The following SERINC5 variants were observed in gnomAD, a reference collection of about 807,000 sequenced individuals.
The protein encoded by SERINC5 is chromosome 5 open reading frame 12.
In SERINC5, 41 loss-of-function variants were observed where a neutral mutation model predicts 63.1. The observed-to-expected ratio is 0.65, with a 90% CI of 0.51 to 0.84. The LOEUF (loss-of-function observed/expected upper bound fraction) is 0.84. Ranked by LOEUF, SERINC5 falls within the 40% of genes least tolerant of loss-of-function variation. SERINC5 has a pLI of 0.00. For missense variants in SERINC5, 523 were observed against 573.0 expected, an observed-to-expected ratio of 0.91 and a Z score of 0.89; for synonymous variants, 222 against 215.2, an observed-to-expected ratio of 1.03 and a Z score of -0.28.
chr5:80,150,441 A>C (rs946973999), intron 9 of SERINC5, among the ~76,000 whole-genome samples: 8 of 152,022 alleles, frequency 5.3e-5, no homozygotes. Flanking sequence ...TTTCTTTTTT[A>C]TTTTATTTTT....
At chr5:80,185,747 T>C (rs1003725089) in intron 2 of SERINC5, among the ~76,000 whole-genome samples, 4 of 151,756 alleles carry the variant, frequency 2.6e-5, no homozygotes, top group African/African-American at 9.7e-5. Context: ...CCCGGATGAG[T>C]CAGGAAAAGG....
chr5:80,155,872 T>C (rs772378239), intron 8 of SERINC5, among the ~76,000 whole-genome samples: 3 of 152,108 alleles, frequency 2.0e-5, no homozygotes, highest in Non-Finnish European at 4.4e-5. Flanking sequence ...GGAAGGAGGC[T>C]CTGGAGAGAA....
chr5:80,184,917 C>T (rs1320772181), intron 2 of SERINC5, among the ~76,000 whole-genome samples: 1 of 152,072 alleles, frequency 6.6e-6, no homozygotes. Context: ...TGCTCTGTTG[C>T]CCAGGCTGGA....
chr5:80,245,574 T>C (rs1182140155), intron 1 of SERINC5, among the ~76,000 whole-genome samples: 2 of 152,080 alleles, frequency 1.3e-5, no homozygotes, highest in Non-Finnish European at 2.9e-5. Context: ...ATACAGCCTC[T>C]GAACTTCATT....
Position 80,256,043 on chromosome 5 carries a change from CG to C in SERINC5, c.-122del. On this transcript the variant is annotated 5_prime_UTR_variant, in exon 1 of 12. Transcript: ENST00000507668. ...CTCACACTTGAACGAAGATCAGCCT[CG>C]GCGAAGCGCCTAGGCGCCGAGGCCT... The C allele has an allele frequency of 9.1e-7, 1 of 1,093,148 alleles. No individual in the cohort carries two copies. The highest frequency in any genetic ancestry group is 1.2e-6 in the Non-Finnish European group (1 of 813,776). 67.7% of individuals were successfully genotyped at this position (1,093,148 alleles called of 1,614,324 possible).
Position 80,245,789 on chromosome 5 carries a change from A to G in SERINC5, c.27+10107T>C, listed in dbSNP as rs550309401. ...GCTATCATGCCTGGCTAATTTTTGT[A>G]TTTTTAGTAGAGACGGGGCTTCACC... On this transcript the variant is annotated intron_variant, in intron 1 of 11. Coordinates refer to ENST00000507668, the MANE Select transcript of SERINC5 (RefSeq NM_001174072.3). Among the ~76,000 whole-genome samples, 34 of 151,556 alleles carry G rather than the reference A, an allele frequency of 2.2e-4. No homozygotes were observed. In the East Asian group the frequency reaches 6.4e-3, roughly 29 times the overall value.
At chr5:80,253,451 T>C (rs1752515988) in intron 1 of SERINC5, among the ~76,000 whole-genome samples, 1 of 152,186 alleles carries the variant, frequency 6.6e-6, no homozygotes, top group African/African-American at 2.4e-5. Flanking sequence ...AGTCCAGTCT[T>C]CACGACATCC....
At chr5:80,177,065 G>A (rs76882092) in intron 4 of SERINC5, among the ~76,000 whole-genome samples, 241 of 152,220 alleles carry the variant, frequency 1.6e-3, no homozygotes, top group African/African-American at 5.5e-3. Flanking sequence ...GAAAGAACAA[G>A]GTCTCCCAGG....
rs1745370184 is a variant in SERINC5 at position 80,139,457 on chromosome 5, C to T, written c.*4206G>A. ...CTATAGAAGTGGATTGGGACATATG[C>T]ATTCTTAATCTGCCCTTCCCCATTT... On this transcript the variant is annotated 3_prime_UTR_variant, in exon 12 of 12. Transcript: ENST00000507668. The T allele has an allele frequency of 1.0e-6, 1 of 985,154 alleles. No individual in the cohort carries two copies. The highest frequency in any genetic ancestry group is 1.7e-5 in the African/African-American group (1 of 57,188). The allele number at this position is 985,154 out of a possible 1,614,324, so 61.0% of individuals were successfully genotyped here. A position where few individuals can be genotyped will look rare whatever the true frequency, so the allele number is the denominator to read the frequency against.
chr5:80,160,958 G>C (rs1416047615), intron 7 of SERINC5, among the ~76,000 whole-genome samples: 1 of 135,866 alleles, frequency 7.4e-6, no homozygotes, highest in African/African-American at 2.9e-5. Flanking sequence ...ATATATATAT[G>C]TGTGTGTATA....
rs371585999 is a variant in SERINC5, at chr5:80,139,420, A to G, written c.*4243T>C. 2.0e-6 allele frequency: 2 copies of G among 985,148 alleles called. No homozygotes were observed. The allele number at this position is 985,148 out of a possible 1,614,324, so 61.0% of individuals were successfully genotyped here. On this transcript the variant is annotated 3_prime_UTR_variant, in exon 12 of 12. Transcript: ENST00000507668. ...CTTCCATCATTTTACTCATGTGAAT[A>G]TGATTAAACTCCTATAGAAGTGGAT...
At position 80,177,989 on chromosome 5, in the gene SERINC5, C is replaced by T. The variant is rs765631759; in HGVS notation, c.271G>A (p.Val91Met). Residue 91 changes from valine (V) to methionine (M), a missense_variant, in exon 3 of 12, where the codon GTG becomes ATG. Coordinates refer to ENST00000507668, the MANE Select transcript of SERINC5 (RefSeq NM_001174072.3). ...GCCATTCCAAAACAGACTCTATACA[C>T]GGCAGAATATCCCACCAGCTTCTCA... ...TCEKLVGYSA[V>M]YRVCFGMACF... 12 of 1,612,510 alleles carry T rather than the reference C, an allele frequency of 7.4e-6. No individual in the cohort carries two copies. The highest frequency in any genetic ancestry group is 5.0e-5 in the Admixed American group (3 of 59,830).
intron 11 of SERINC5, among the ~76,000 whole-genome samples, chr5:80,127,631 A>G (rs1400910267): frequency 1.3e-5 from 2 of 152,092 alleles, no homozygotes; most frequent in African/African-American, 4.8e-5. Flanking sequence ...TTCAACTTAT[A>G]TTTTATATAT....
At chr5:80,136,403 A>G (rs1392161983), downstream of SERINC5, among the ~76,000 whole-genome samples, 2 of 152,274 alleles carry the variant, frequency 1.3e-5, no homozygotes, top group African/African-American at 2.4e-5. Context: ...TCGGGGTTTC[A>G]TATTTATATT....
At chr5:80,152,387 G>C (rs973912849) in intron 8 of SERINC5, among the ~76,000 whole-genome samples, 2 of 151,672 alleles carry the variant, frequency 1.3e-5, no homozygotes, top group Admixed American at 6.6e-5. Flanking sequence ...TGCAGTCCCA[G>C]CTACTGGGGA....
At chr5:80,177,684 G>T (rs530522575) in intron 3 of SERINC5, among the ~76,000 whole-genome samples, 13 of 152,120 alleles carry the variant, frequency 8.5e-5, no homozygotes. Context: ...AGTAAATTTC[G>T]CATCATGGTA....
intron 1 of SERINC5, among the ~76,000 whole-genome samples, chr5:80,238,022 T>G (rs1751779112): frequency 6.8e-6 from 1 of 146,094 alleles, no homozygotes; most frequent in Admixed American, 7.1e-5. Context: ...GAGACTCACT[T>G]GAACCCGGGA....
intron 1 of SERINC5, among the ~76,000 whole-genome samples, chr5:80,214,609 T>C (rs181827234): frequency 4.1e-4 from 62 of 149,616 alleles, no homozygotes; most frequent in African/African-American, 1.3e-3. Flanking sequence ...CACTTGAAAA[T>C]AGTTGGGTCA....
chr5:80,216,131 C>T (rs558280746), intron 1 of SERINC5, among the ~76,000 whole-genome samples: 26 of 152,280 alleles, frequency 1.7e-4, no homozygotes, highest in African/African-American at 4.8e-4. Flanking sequence ...AGAAAACAAA[C>T]GTTCCTCAGG....
Sources: gnomAD v4.1 joint callset for allele counts (sites outside exome capture counted in the v4.1 genomes callset) on GRCh38, gnomAD v4.1.1 for gene constraint, MANE v1.5 for transcripts, NCBI Gene and HGNC (gene_info 2026-07-23, HGNC 2026-07-21) for gene names.